The following MAGI1 variants were observed in gnomAD, a reference collection of about 807,000 sequenced individuals.
The protein encoded by MAGI1 is membrane associated guanylate kinase, WW and PDZ domain containing 1.
In MAGI1, 58 loss-of-function variants were observed where a neutral mutation model predicts 139.9. That is an observed-to-expected ratio of 0.41 (90% CI 0.34 to 0.52). The LOEUF is 0.52. MAGI1 is among the 20% of genes least tolerant of loss of function. The pLI is 0.12. For missense variants in MAGI1, 1,874 were observed against 1,901.6 expected, an observed-to-expected ratio of 0.99 and a Z score of 0.27; for synonymous variants, 812 against 737.9, an observed-to-expected ratio of 1.10 and a Z score of -1.63.
At chr3:65,622,682 G>A (rs79515692) in intron 1 of MAGI1, among the ~76,000 whole-genome samples, 1,785 of 152,150 alleles carry the variant, frequency 0.012, 35 homozygotes, top group African/African-American at 0.04. Flanking sequence ...TCCTGCCTCA[G>A]CTTCCCGAGT....
intron 1 of MAGI1, among the ~76,000 whole-genome samples, chr3:65,915,868 T>C (rs1384141542): frequency 1.3e-5 from 2 of 152,012 alleles, no homozygotes; most frequent in African/African-American, 4.8e-5. Flanking sequence ...AGGACTCAAC[T>C]TAGTGAATCA....
chr3:65,530,738 T>C lies in MAGI1; in HGVS notation c.431-37107A>G, dbSNP rs545916705. On this transcript the variant is annotated intron_variant, in intron 2 of 22. Coordinates refer to ENST00000402939, the MANE Select transcript of MAGI1 (RefSeq NM_001033057.2). The stretch of plus-strand genomic sequence containing the variant: ...GTATATATATACACACGTATATATA[T>C]ATGCACATATATATACACGTATATA... Among the ~76,000 whole-genome samples, 6 of 100,208 alleles carry C rather than the reference T, an allele frequency of 6.0e-5. 1 individual carries two copies. In the East Asian group the frequency reaches 1.6e-3, roughly 27 times the overall value. 65.7% of individuals were successfully genotyped at this position (100,208 alleles called of 152,430 possible). A position where few individuals can be genotyped will look rare whatever the true frequency, so the allele number is the denominator to read the frequency against.
At chr3:65,885,829 G>A (rs776230034) in intron 1 of MAGI1, among the ~76,000 whole-genome samples, 25 of 152,118 alleles carry the variant, frequency 1.6e-4, no homozygotes, top group East Asian at 3.9e-4. Flanking sequence ...TACTAGCAGC[G>A]TGAGAACGAA....
rs2885850 is a variant in MAGI1 at position 65,945,391 on chromosome 3, G to A, written c.313+92605C>T. On this transcript the variant is annotated intron_variant, in intron 1 of 22. Transcript: ENST00000402939. ...GAGATTCTGAGGCTGATGATCTGGG[G>A]ACCACACATTCATTTCATGAAAACT... is the stretch of plus-strand genomic sequence containing the variant. Among the ~76,000 whole-genome samples, 786 of 152,244 alleles carry A rather than the reference G, an allele frequency of 5.2e-3. 6 individuals are homozygous for A. Among genetic ancestry groups the A allele is most frequent in the African/African-American group, 0.018 (736 of 41,538 alleles).
chr3:65,362,523 T>G (rs1263139490), intron 21 of MAGI1, among the ~76,000 whole-genome samples: 2 of 152,200 alleles, frequency 1.3e-5, no homozygotes, highest in East Asian at 3.9e-4. Flanking sequence ...GGACACTGTA[T>G]TTTTACTACA....
chr3:65,508,552 G>A (rs1252053050), intron 2 of MAGI1, among the ~76,000 whole-genome samples: 1 of 152,084 alleles, frequency 6.6e-6, no homozygotes, highest in Non-Finnish European at 1.5e-5. Flanking sequence ...TTATTTCAGA[G>A]ATGTCAGGTG....
chr3:65,362,217 T>G (rs1940940375), intron 21 of MAGI1, among the ~76,000 whole-genome samples: 1 of 152,206 alleles, frequency 6.6e-6, no homozygotes, highest in Admixed American at 6.5e-5. Flanking sequence ...ACCAAGCTGC[T>G]GGCATCAAAT....
intron 1 of MAGI1, among the ~76,000 whole-genome samples, chr3:65,967,652 G>A (rs2064821669): frequency 6.6e-6 from 1 of 152,218 alleles, no homozygotes; most frequent in Admixed American, 6.5e-5. Flanking sequence ...GCAGTCGACA[G>A]GAAACGTTTC....
At chr3:65,932,644 A>G (rs1291643261) in intron 1 of MAGI1, among the ~76,000 whole-genome samples, 2 of 152,206 alleles carry the variant, frequency 1.3e-5, no homozygotes, top group South Asian at 2.1e-4. Flanking sequence ...AAGCTAAACC[A>G]CAGAAACTCT....
At chr3:65,443,099 T>C (rs756190451) in intron 7 of MAGI1, among the ~76,000 whole-genome samples, 1 of 152,196 alleles carries the variant, frequency 6.6e-6, no homozygotes, top group African/African-American at 2.4e-5. Context: ...GCAGCCTTTA[T>C]TCTAAATCAC....
intron 1 of MAGI1, among the ~76,000 whole-genome samples, chr3:65,802,737 G>C (rs2040591463): frequency 6.6e-6 from 1 of 152,064 alleles, no homozygotes; most frequent in Non-Finnish European, 1.5e-5. Context: ...TGACTGAATG[G>C]ATGACTGAAG....
chr3:65,418,987 GTTCT>G, intron 12 of MAGI1, among the ~76,000 whole-genome samples: 1 of 152,306 alleles, frequency 6.6e-6, no homozygotes. Flanking sequence ...ACGCTTTCCT[GTTCT>G]TTCTTCTATC....
chr3:65,469,608 T>C (rs1225578803), intron 5 of MAGI1: 2 of 151,884 alleles, frequency 1.3e-5, no homozygotes, highest in Non-Finnish European at 2.9e-5. Flanking sequence ...AACTTGCGCA[T>C]TACAGACCTA....
intron 1 of MAGI1, among the ~76,000 whole-genome samples, chr3:65,738,819 T>C (rs1476737233): frequency 6.6e-6 from 1 of 152,192 alleles, no homozygotes; most frequent in African/African-American, 2.4e-5. Context: ...AAATATTCAG[T>C]AAAACATGCT....
chr3:65,475,555 T>C (rs1195140859), intron 4 of MAGI1, among the ~76,000 whole-genome samples: 1 of 152,180 alleles, frequency 6.6e-6, no homozygotes, highest in East Asian at 1.9e-4. Flanking sequence ...TTTGCAAAAG[T>C]CTTTGTTTGT....
chr3:65,427,496 T>G (rs1304674062), intron 12 of MAGI1, among the ~76,000 whole-genome samples: 1 of 152,050 alleles, frequency 6.6e-6, no homozygotes, highest in Non-Finnish European at 1.5e-5. Context: ...ATAACAGAAA[T>G]GAGAAAGAGG....
At chr3:65,419,458 T>A (rs908304900) in intron 12 of MAGI1, among the ~76,000 whole-genome samples, 4 of 152,162 alleles carry the variant, frequency 2.6e-5, no homozygotes, top group African/African-American at 9.7e-5. Context: ...AGCCCAGTAA[T>A]AGGTCACAGC....
intron 1 of MAGI1, among the ~76,000 whole-genome samples, chr3:65,926,890 G>C (rs1274085651): frequency 2.0e-5 from 3 of 152,180 alleles, no homozygotes; most frequent in Non-Finnish European, 2.9e-5. Flanking sequence ...AGCTACTCAA[G>C]AGGCTGAGGC....
In MAGI1 at chr3:65,563,962, G is replaced by T. The variant is rs147957259; in HGVS notation, c.430+58010C>A. ...AGTAGATAATGGTGCCTGGCACATGGGAAATACTTAATAAATGTGGCTTCC... is the reference window on the plus strand; with the variant it reads ...AGTAGATAATGGTGCCTGGCACATGTGAAATACTTAATAAATGTGGCTTCC... On this transcript the variant is annotated intron_variant, in intron 2 of 22. Transcript: ENST00000402939. Among the ~76,000 whole-genome samples the T allele has an allele frequency of 7.4e-4, 113 of 152,242 alleles. 1 individual carries two copies. The highest frequency in any genetic ancestry group is 2.5e-3 in the African/African-American group (104 of 41,534).
Sources: allele counts gnomAD v4.1 joint callset (sites outside exome capture counted in the v4.1 genomes callset), GRCh38; gene constraint gnomAD v4.1.1; transcripts MANE v1.5; gene names NCBI Gene and HGNC (gene_info 2026-07-23, HGNC 2026-07-21).